TRHDE: variants seen among roughly 807,000 people sequenced by gnomAD.
TRHDE encodes the protein thyrotropin-releasing hormone-degrading ectoenzyme.
In TRHDE, 72 loss-of-function variants were observed where a neutral mutation model predicts 125.7. The ratio of observed to expected loss-of-function variants is 0.57; its 90% confidence interval spans 0.47 to 0.70. TRHDE has a LOEUF of 0.70. TRHDE is among the 30% of genes least tolerant of loss of function. The probability of loss-of-function intolerance (pLI) is 0.00; values close to 1 mark genes in which losing one functional copy is unlikely to be tolerated. For missense variants in TRHDE, 1,110 were observed against 1,327.1 expected (o/e 0.84, Z 2.54); for synonymous variants, 509 against 509.1 (o/e 1.00, Z 0.00).
chr12:72,603,454 G>A lies in TRHDE; in HGVS notation c.2322-15437G>A, dbSNP rs1358118399. 1.6e-4 allele frequency among the ~76,000 whole-genome samples: 24 copies of A among 152,032 alleles called. 1 individual carries two copies. Among genetic ancestry groups the A allele is most frequent in the Admixed American group, 1.6e-3 (24 of 15,252 alleles). ...AACAATGTAAGTGTGGGCCGAGCGC[G>A]GTGTCTCAAGCCTGTAATCCCAGCA... On this transcript the variant is annotated intron_variant, in intron 12 of 18. Transcript: ENST00000261180.
chr12:72,264,762 A>C (rs1325744941), intron 2 of TRHDE: 1 of 152,024 alleles, frequency 6.6e-6, no homozygotes, highest in Non-Finnish European at 1.5e-5. Flanking sequence ...ACAAGGTGGC[A>C]CTAAAGAGAA....
intron 2 of TRHDE, among the ~76,000 whole-genome samples, chr12:72,215,852 C>G (rs1024939767): frequency 1.1e-4 from 17 of 152,088 alleles, no homozygotes; most frequent in Non-Finnish European, 2.5e-4. Flanking sequence ...AAGCAGCTAC[C>G]TTTGAATACG....
chr12:72,411,458 G>GA (rs1472839807), intron 3 of TRHDE, among the ~76,000 whole-genome samples: 1 of 151,732 alleles, frequency 6.6e-6, no homozygotes, highest in Non-Finnish European at 1.5e-5. Context: ...GAATTCTGTG[G>GA]AAAAAATATA....
chr12:72,204,800 T>A (rs1286629421), intron 2 of TRHDE, among the ~76,000 whole-genome samples: 1 of 152,206 alleles, frequency 6.6e-6, no homozygotes, highest in African/African-American at 2.4e-5. Flanking sequence ...CTATATACTT[T>A]TTTTCCTCAC....
chr12:72,295,628 A>G (rs1880268277), intron 2 of TRHDE, among the ~76,000 whole-genome samples: 1 of 152,318 alleles, frequency 6.6e-6, no homozygotes, highest in Non-Finnish European at 1.5e-5. Flanking sequence ...ACATATACAC[A>G]TAATGCACAT....
intron 3 of TRHDE, among the ~76,000 whole-genome samples, chr12:72,387,114 T>G (rs886672152): frequency 3.9e-5 from 6 of 152,206 alleles, no homozygotes; most frequent in Non-Finnish European, 8.8e-5. Context: ...TTCTTTCTCC[T>G]TAACTCCAGG....
chr12:72,242,491 C>A (rs983242721), intron 2 of TRHDE, among the ~76,000 whole-genome samples: 4 of 152,142 alleles, frequency 2.6e-5, no homozygotes, highest in African/African-American at 7.2e-5. Flanking sequence ...GTACAGTATT[C>A]TTTTTTCTAT....
intron 6 of TRHDE, among the ~76,000 whole-genome samples, chr12:72,520,322 G>T (rs898102065): frequency 1.3e-5 from 2 of 152,224 alleles, no homozygotes; most frequent in Non-Finnish European, 2.9e-5. Flanking sequence ...CTCCGAGCCA[G>T]GTGCGGGATA....
intron 15 of TRHDE, among the ~76,000 whole-genome samples, chr12:72,639,792 G>A (rs1177176077): frequency 6.6e-6 from 1 of 152,142 alleles, no homozygotes; most frequent in Non-Finnish European, 1.5e-5. Context: ...CTGCTAGGGG[G>A]TGCCTCCCAT....
intron 2 of TRHDE, among the ~76,000 whole-genome samples, chr12:72,244,904 T>A (rs1480088399): frequency 6.6e-6 from 1 of 152,138 alleles, no homozygotes; most frequent in Non-Finnish European, 1.5e-5. Context: ...TAAATGTCAT[T>A]ATTTAAAATA....
In TRHDE at chr12:72,465,021, T is replaced by A. The variant is rs573391163; in HGVS notation, c.1316-4737T>A. On this transcript the variant is annotated intron_variant, in intron 3 of 18. Coordinates refer to ENST00000261180, the MANE Select transcript of TRHDE (RefSeq NM_013381.3). ...CAAGCATTTTCTTTGAATTTCCAAG[T>A]AAATTAGATTCTGAAACATTTGAAT... Among the ~76,000 whole-genome samples, 488 of 152,328 alleles carry A rather than the reference T, an allele frequency of 3.2e-3. 1 individual carries two copies. The highest frequency in any genetic ancestry group is 0.011 in the African/African-American group (452 of 41,584).
intron 2 of TRHDE, among the ~76,000 whole-genome samples, chr12:72,242,747 A>G (rs1878507032): frequency 6.6e-6 from 1 of 152,070 alleles, no homozygotes. Flanking sequence ...TCCCAATCTG[A>G]CTGGTACTAC....
At chr12:72,229,873 A>G (rs1426521798) in intron 2 of TRHDE, among the ~76,000 whole-genome samples, 1 of 152,224 alleles carries the variant, frequency 6.6e-6, no homozygotes, top group Non-Finnish European at 1.5e-5. Flanking sequence ...AACTGTCAAA[A>G]GAGGAAATAG....
chr12:72,339,826 T>C (rs1460463156), intron 2 of TRHDE, among the ~76,000 whole-genome samples: 1 of 152,164 alleles, frequency 6.6e-6, no homozygotes, highest in African/African-American at 2.4e-5. Context: ...GGATCATAGT[T>C]GAGTTCTCCA....
In TRHDE at chr12:72,273,502, G is replaced by C; in HGVS notation, c.859G>C (p.Glu287Gln). Reference sequence around the variant, plus strand: ...GAAGATTATCTACAACGCGCTCATCGAGAATGAGCTCCTGGGCTTCTTCCG... The same window carrying C: ...GAAGATTATCTACAACGCGCTCATCCAGAATGAGCTCCTGGGCTTCTTCCG... Reference protein sequence around the residue: ...NLKIIYNALIENELLGFFRSS... With the variant: ...NLKIIYNALIQNELLGFFRSS... The change falls in exon 1 of 19, where the codon GAG (glutamate) becomes CAG (glutamine). Residue 287 changes from glutamate to glutamine, a missense_variant. Glu to Gln is a conservative substitution (Grantham distance 29). Around this residue, in one of 5 missense-constraint regions of TRHDE, gnomAD observed 252 missense variants for 274.8 expected, o/e 0.92. Coordinates refer to ENST00000261180, the MANE Select transcript of TRHDE (RefSeq NM_013381.3). The surrounding 1 kb of genome is among the most constrained non-coding windows in gnomAD (Gnocchi z 5.3). 1.2e-6 allele frequency: 2 copies of C among 1,610,714 alleles called. No homozygotes were observed. Among genetic ancestry groups the C allele is most frequent in the South Asian group, 1.1e-5 (1 of 91,082 alleles).
chr12:72,518,779 G>C (rs866435541), intron 6 of TRHDE, among the ~76,000 whole-genome samples: 2 of 152,210 alleles, frequency 1.3e-5, no homozygotes, highest in Non-Finnish European at 2.9e-5. Context: ...TGCAGCGGCT[G>C]GTACTGGTCG....
intron 2 of TRHDE, among the ~76,000 whole-genome samples, chr12:72,226,528 A>G (rs1414368660): frequency 2.6e-5 from 4 of 152,242 alleles, no homozygotes; most frequent in Non-Finnish European, 5.9e-5. Flanking sequence ...TATTAATAAA[A>G]TATAAATTAC....
chr12:72,654,903 C>G (rs1214927944), intron 17 of TRHDE, among the ~76,000 whole-genome samples: 2 of 152,140 alleles, frequency 1.3e-5, no homozygotes, highest in Non-Finnish European at 2.9e-5. Context: ...TTCCCTTCAT[C>G]CCAAGAACCT....
intron 18 of TRHDE, 100 bp from the exon 19 acceptor site, chr12:72,662,952 A>G: frequency 7.9e-7 from 1 of 1,270,876 alleles, no homozygotes; most frequent in African/African-American, 1.5e-5. Flanking sequence ...TTTCAAATAT[A>G]TTGTTTTTTA....
Sources: allele counts gnomAD v4.1 joint callset (sites outside exome capture counted in the v4.1 genomes callset), GRCh38; gene constraint gnomAD v4.1.1; regional missense constraint gnomAD v4.1.1; non-coding constraint Gnocchi (gnomAD v3.1); transcripts MANE v1.5; gene names NCBI Gene and HGNC (gene_info 2026-07-23, HGNC 2026-07-21).